Variants in ZFAND2A observed in about 807,000 individuals in gnomAD.
ZFAND2A encodes the protein zinc finger AN1-type containing 2A.
In ZFAND2A, 20 loss-of-function variants were observed where a neutral mutation model predicts 11.6. That is an observed-to-expected ratio of 1.72 (90% confidence interval 1.21 to 2.50). ZFAND2A has a LOEUF of 2.50. ZFAND2A is among the 30% of genes most tolerant of loss of function. The probability of loss-of-function intolerance (pLI) is 0.00; values close to 1 mark genes in which losing one functional copy is unlikely to be tolerated. For missense variants in ZFAND2A, 234 were observed against 182.9 expected (o/e 1.28, Z -1.61); for synonymous variants, 93 against 60.6 (o/e 1.54, Z -2.48).
intron 4 of ZFAND2A, among the ~76,000 whole-genome samples, chr7:1,154,805 T>C (rs530370073): frequency 6.6e-6 from 1 of 152,320 alleles, no homozygotes; most frequent in East Asian, 1.9e-4. Flanking sequence ...GGATTAAGCC[T>C]GACAGCAGCC....
At chr7:1,152,348 CAG>C (rs543419434), downstream of ZFAND2A, 3 of 1,560,958 alleles carry the variant, frequency 1.9e-6, no homozygotes, top group Admixed American at 1.9e-5. Flanking sequence ...TGAGCACCTA[CAG>C]AGAGGGTGGA....
At chr7:1,159,321 C>G (rs527352203) in intron 1 of ZFAND2A, among the ~76,000 whole-genome samples, 1 of 152,354 alleles carries the variant, frequency 6.6e-6, no homozygotes, top group South Asian at 2.1e-4. Flanking sequence ...AACCAACACC[C>G]TACCCTGGCG....
downstream of ZFAND2A, chr7:1,152,120 C>A (rs2128257014): frequency 7.9e-7 from 1 of 1,258,724 alleles, no homozygotes; most frequent in Non-Finnish European, 1.1e-6. Flanking sequence ...TGTCCTTCAT[C>A]CATCCTGACG....
chr7:1,158,028 C>T (rs1793573012), intron 2 of ZFAND2A, 130 bp downstream of exon 2: 2 of 963,722 alleles, frequency 2.1e-6, no homozygotes, highest in African/African-American at 1.6e-5. Flanking sequence ...TCAAACAGAA[C>T]CTGCACCAGC....
At chr7:1,156,096 C>T (rs934897465) in intron 3 of ZFAND2A, among the ~76,000 whole-genome samples, 1 of 152,062 alleles carries the variant, frequency 6.6e-6, no homozygotes, top group Non-Finnish European at 1.5e-5. Flanking sequence ...GTTGTGAGGG[C>T]TCCAAAGGGG....
chr7:1,155,923 C>T (rs1361901045), intron 3 of ZFAND2A, among the ~76,000 whole-genome samples: 1 of 152,232 alleles, frequency 6.6e-6, no homozygotes, highest in African/African-American at 2.4e-5. Flanking sequence ...GAAACATGGA[C>T]CACAAAGACC....
At chr7:1,154,183 A>T (rs1380795937) in intron 4 of ZFAND2A, among the ~76,000 whole-genome samples, 69 of 128,842 alleles carry the variant, frequency 5.4e-4, no homozygotes, top group African/African-American at 1.9e-3. Flanking sequence ...CCCACCGGTC[A>T]TTTTTTTTTT....
intron 4 of ZFAND2A, among the ~76,000 whole-genome samples, chr7:1,154,705 T>C (rs534976365): frequency 1.2e-4 from 18 of 152,326 alleles, no homozygotes; most frequent in Non-Finnish European, 2.4e-4. Context: ...GACCAAAAGT[T>C]ATTTGGTTTA....
chr7:1,157,075 G>A (rs538444718), intron 3 of ZFAND2A: 1 of 151,458 alleles, frequency 6.6e-6, no homozygotes, highest in South Asian at 2.1e-4. Context: ...CCCATCCAGA[G>A]ACAAAGTAAA....
intron 1 of ZFAND2A, 149 bp from the exon 2 acceptor site, chr7:1,158,406 A>G (rs1055248243): frequency 1.7e-6 from 1 of 575,786 alleles, no homozygotes; most frequent in Admixed American, 3.3e-5. Context: ...GGTGTCCGCC[A>G]TTCGTAGTCA....
chr7:1,154,642 A>AAG (rs1793479445), intron 4 of ZFAND2A, among the ~76,000 whole-genome samples: 1 of 152,264 alleles, frequency 6.6e-6, no homozygotes, highest in African/African-American at 2.4e-5. Flanking sequence ...GCTTCCGCAC[A>AAG]GAGAATTTTG....
chr7:1,154,512 C>T (rs183940824), intron 4 of ZFAND2A, among the ~76,000 whole-genome samples: 3 of 152,232 alleles, frequency 2.0e-5, no homozygotes, highest in East Asian at 1.9e-4. Flanking sequence ...GTGGAAGAAG[C>T]GGGTGTGCCA....
chr7:1,151,776 C>CAAAAAAAAAAAAAAAAAAA (rs1563158643), downstream of ZFAND2A, among the ~76,000 whole-genome samples: 37 of 52,634 alleles, frequency 7.0e-4, no homozygotes, highest in African/African-American at 1.5e-3. Flanking sequence ...AAAAAAAAAG[C>CAAAAAAAAAAAAAAAAAAA]AAAGCCAGCC....
At chr7:1,157,574 G>C in intron 3 of ZFAND2A, 82 bp downstream of exon 3, 1 of 1,317,600 alleles carries the variant, frequency 7.6e-7, no homozygotes, top group South Asian at 1.4e-5. Context: ...TTAGCCATAC[G>C]TCGCTAGTCC....
downstream of ZFAND2A, among the ~76,000 whole-genome samples, chr7:1,150,887 C>CTTTTTTTTTTTTTTT (rs10568309): frequency 7.8e-5 from 10 of 128,108 alleles, no homozygotes; most frequent in Non-Finnish European, 1.5e-4. Context: ...ACAACTGTGC[C>CTTTTTTTTTTTTTTT]TTTTTTTTTT....
chr7:1,152,475 G>A (rs968136303), downstream of ZFAND2A: 4 of 1,149,776 alleles, frequency 3.5e-6, no homozygotes, highest in African/African-American at 1.6e-5. Context: ...AGGTGCAACA[G>A]TTGAGGCAAA....
chr7:1,153,254 ATTCTTTTT>A (rs1432961743), intron 4 of ZFAND2A, 30 bp from the exon 5 acceptor site: 25 of 1,602,732 alleles, frequency 1.6e-5, no homozygotes, highest in Non-Finnish European at 2.0e-5. Flanking sequence ...TCAACAAGCA[ATTCTTTTT>A]TTGGAGACAG....
At position 1,158,195 on chromosome 7, in the gene ZFAND2A, C is replaced by A; in HGVS notation, c.18G>T (p.Leu6Phe). ...AAGTCTTTTCTGAACAATGCTTCCCCAAATCAGGAAACTCCATTATGAGAA... is the reference window on the plus strand; with the variant it reads ...AAGTCTTTTCTGAACAATGCTTCCCAAAATCAGGAAACTCCATTATGAGAA... MEFPD[L>F]GKHCSEKTCK... Residue 6 changes from leucine to phenylalanine, a missense_variant, in exon 2 of 5, where the codon TTG becomes TTT. By Grantham distance (22) the Leu-to-Phe change is conservative. Transcript: ENST00000316495. 6.2e-7 allele frequency: 1 copy of A among 1,614,098 alleles called. No homozygotes were observed. Among genetic ancestry groups the A allele is most frequent in the Non-Finnish European group, 8.5e-7 (1 of 1,180,002 alleles).
chr7:1,149,887 C>CT (rs1793366809), downstream of ZFAND2A, among the ~76,000 whole-genome samples: 1 of 146,826 alleles, frequency 6.8e-6, no homozygotes, highest in African/African-American at 2.5e-5. Context: ...GAGTCTTGCT[C>CT]TATCACCCAG....
Sources: allele counts gnomAD v4.1 joint callset (sites outside exome capture counted in the v4.1 genomes callset), GRCh38; gene constraint gnomAD v4.1.1; transcripts MANE v1.5; gene names NCBI Gene and HGNC (gene_info 2026-07-23, HGNC 2026-07-21).